The following TAOK3 variants were observed in gnomAD, a reference collection of about 807,000 sequenced individuals.
TAOK3 encodes TAO kinase 3, also known as serine/threonine-protein kinase TAO3.
TAOK3 carries 40 observed loss-of-function variants against 120.4 expected under a neutral mutation model. The ratio of observed to expected loss-of-function variants is 0.33; its 90% CI spans 0.26 to 0.43. The LOEUF (loss-of-function observed/expected upper bound fraction) is 0.43. Among genes scored for constraint, TAOK3 ranks in the 20% least tolerant of loss-of-function variants. The probability of loss-of-function intolerance (pLI) is 1.00; values close to 1 mark genes in which losing one functional copy is unlikely to be tolerated. For synonymous variants in TAOK3, 355 were observed against 387.5 expected, an observed-to-expected ratio of 0.92 and a Z score of 0.99; for missense variants, 821 against 1,112.1, an observed-to-expected ratio of 0.74 and a Z score of 3.72.
chr12:118,253,715 C>T (rs940445180), intron 3 of TAOK3, among the ~76,000 whole-genome samples: 24 of 146,108 alleles, frequency 1.6e-4, no homozygotes, highest in Admixed American at 1.2e-3. Flanking sequence ...CCAGCCTGGG[C>T]GACAGAGCAA....
chr12:118,286,033 A>G (rs1283719755), intron 1 of TAOK3, among the ~76,000 whole-genome samples: 2 of 152,182 alleles, frequency 1.3e-5, no homozygotes, highest in Non-Finnish European at 2.9e-5. Flanking sequence ...TCAGATATGC[A>G]TTTACCTCAG....
Position 118,201,179 on chromosome 12 carries a change from T to C in TAOK3, c.987+117A>G. ...TCTCTTGTACAACCCTTCATGTTTC[T>C]TAAGGCGGACAGCATCAATTAATTT... On this transcript the variant is annotated intron_variant, in intron 12 of 20. Coordinates refer to ENST00000392533, the MANE Select transcript of TAOK3 (RefSeq NM_016281.4). The C allele has an allele frequency of 6.1e-6, 6 of 978,554 alleles. No homozygotes were observed. In the South Asian group the frequency reaches 8.9e-5, roughly 15 times the overall value. The allele number at this position is 978,554 out of a possible 1,614,324, so 60.6% of individuals were successfully genotyped here. A position where few individuals can be genotyped will look rare whatever the true frequency, so the allele number is the denominator to read the frequency against.
At chr12:118,317,298 A>ATTT (rs950745966) in intron 1 of TAOK3, among the ~76,000 whole-genome samples, 36 of 126,060 alleles carry the variant, frequency 2.9e-4, no homozygotes, top group African/African-American at 9.8e-4. Context: ...CGCTGGGAGA[A>ATTT]TTTTTTTTTT....
At chr12:118,172,870 G>T (rs1319067858) in intron 16 of TAOK3, among the ~76,000 whole-genome samples, 1 of 152,076 alleles carries the variant, frequency 6.6e-6, no homozygotes, top group Admixed American at 6.6e-5. Context: ...TGTATCTTTG[G>T]TTTCTCACTA....
At chr12:118,342,212 A>G (rs1299470046) in intron 1 of TAOK3, among the ~76,000 whole-genome samples, 5 of 152,146 alleles carry the variant, frequency 3.3e-5, no homozygotes. Flanking sequence ...TGGTATTACT[A>G]CATTATTGGT....
chr12:118,214,506 T>A (rs1357788420), intron 9 of TAOK3, among the ~76,000 whole-genome samples: 1 of 151,682 alleles, frequency 6.6e-6, no homozygotes, highest in Non-Finnish European at 1.5e-5. Context: ...AAGAAAAAAA[T>A]TCATATTCAC....
In TAOK3 at chr12:118,238,281, G is replaced by T. The variant is rs2040102956; in HGVS notation, c.341-112C>A. ...CATACTTTCTCACATGACAATTTGG[G>T]AACACATTCACCTAGATCTTCTATA... On this transcript the variant is annotated intron_variant, in intron 6 of 20. Transcript: ENST00000392533. 3.0e-5 allele frequency: 17 copies of T among 559,292 alleles called. No homozygotes were observed. The South Asian group carries it at 4.5e-4, about 15-fold the overall frequency. 34.6% of individuals were successfully genotyped at this position (559,292 alleles called of 1,614,324 possible).
chr12:118,246,050 T>C (rs371332741), intron 3 of TAOK3: 19 of 857,752 alleles, frequency 2.2e-5, no homozygotes, highest in Non-Finnish European at 3.1e-5. Context: ...GAAAAAATTA[T>C]AAAAGAATTG....
chr12:118,266,203 A>AC (rs1342565552), intron 2 of TAOK3, among the ~76,000 whole-genome samples: 1 of 152,046 alleles, frequency 6.6e-6, no homozygotes, highest in Non-Finnish European at 1.5e-5. Context: ...TTTTTATTTT[A>AC]TTTTTTTCAG....
At chr12:118,208,774 C>T (rs541699264) in intron 11 of TAOK3, among the ~76,000 whole-genome samples, 10 of 152,268 alleles carry the variant, frequency 6.6e-5, no homozygotes, top group East Asian at 1.9e-4. Context: ...TGCAGTGGCA[C>T]GATCTCGGCT....
chr12:118,264,122 T>A (rs1331167169), intron 2 of TAOK3, among the ~76,000 whole-genome samples: 1 of 152,236 alleles, frequency 6.6e-6, no homozygotes, highest in East Asian at 1.9e-4. Flanking sequence ...GTATCTTTCA[T>A]ACACTGCTGG....
intron 1 of TAOK3, among the ~76,000 whole-genome samples, chr12:118,316,755 C>T (rs906921667): frequency 1.3e-5 from 2 of 152,074 alleles, no homozygotes; most frequent in Admixed American, 1.3e-4. Context: ...AAATAACTCA[C>T]ATCTACAAAC....
chr12:118,217,822 TATATATATATATA>T (rs1565963719), intron 9 of TAOK3, among the ~76,000 whole-genome samples: 1 of 55,336 alleles, frequency 1.8e-5, no homozygotes, highest in African/African-American at 1.0e-4. Flanking sequence ...TATACATATA[TATATATATATATA>T]TATATATATA....
chr12:118,233,456 T>C (rs1011797995), intron 9 of TAOK3, among the ~76,000 whole-genome samples: 1 of 151,362 alleles, frequency 6.6e-6, no homozygotes, highest in Non-Finnish European at 1.5e-5. Context: ...TAAATAAAAA[T>C]AAGAACATGA....
At chr12:118,247,697 T>C (rs2040577522) in intron 3 of TAOK3, among the ~76,000 whole-genome samples, 1 of 152,064 alleles carries the variant, frequency 6.6e-6, no homozygotes, top group African/African-American at 2.4e-5. Flanking sequence ...ATATATGTAG[T>C]AGAGACAGGG....
rs547300743 is a variant in TAOK3 at position 118,175,585 on chromosome 12, A to G, written c.1695+1616T>C. Among the ~76,000 whole-genome samples the G allele has an allele frequency of 4.6e-5, 7 of 152,202 alleles. 1 individual carries two copies. In the South Asian group the frequency reaches 1.2e-3, roughly 27 times the overall value. Reference sequence around the variant, plus strand: ...GAGGTTGCAGTGAGCCGAGACTATGACATTGCACTCCAGCTTGGGCAACAA... The same window carrying G: ...GAGGTTGCAGTGAGCCGAGACTATGGCATTGCACTCCAGCTTGGGCAACAA... On this transcript the variant is annotated intron_variant, in intron 16 of 20. Transcript: ENST00000392533.
At chr12:118,266,159 T>A (rs977805732) in intron 2 of TAOK3, among the ~76,000 whole-genome samples, 6 of 152,068 alleles carry the variant, frequency 3.9e-5, no homozygotes, top group African/African-American at 1.4e-4. Context: ...AGAAAAAAAA[T>A]TTTAGGAAAT....
chr12:118,308,632 GAA>G (rs2043139955), intron 1 of TAOK3, among the ~76,000 whole-genome samples: 1 of 152,046 alleles, frequency 6.6e-6, no homozygotes, highest in South Asian at 2.1e-4. Context: ...AGACGGTGTA[GAA>G]AAGTCTGTAA....
intron 9 of TAOK3, among the ~76,000 whole-genome samples, chr12:118,228,042 A>C (rs1325401682): frequency 1.3e-5 from 2 of 151,896 alleles, no homozygotes; most frequent in Non-Finnish European, 2.9e-5. Flanking sequence ...TTTTTCTTCT[A>C]AAAAAATAAG....
Sources: allele counts gnomAD v4.1 joint callset (sites outside exome capture counted in the v4.1 genomes callset), GRCh38; gene constraint gnomAD v4.1.1; transcripts MANE v1.5; gene names NCBI Gene and HGNC (gene_info 2026-07-23, HGNC 2026-07-21).